The following DTD1 variants were observed in gnomAD, a reference collection of about 807,000 sequenced individuals.
DTD1 encodes D-tyrosyl-tRNA deacylase 1 homolog.
A neutral mutation model predicts 25.6 loss-of-function variants in DTD1; 13 were observed. The observed-to-expected ratio is 0.51, with a 90% CI of 0.33 to 0.81. The LOEUF is 0.81. DTD1 is among the 30% of genes least tolerant of loss of function. The pLI is 0.02. For missense variants in DTD1, 193 were observed against 266.4 expected, an observed-to-expected ratio of 0.72 and a Z score of 1.92; for synonymous variants, 110 against 103.6, an observed-to-expected ratio of 1.06 and a Z score of -0.37.
intron 4 of DTD1, among the ~76,000 whole-genome samples, chr20:18,734,586 G>C (rs1482329773): frequency 6.6e-6 from 1 of 152,198 alleles, no homozygotes; most frequent in Non-Finnish European, 1.5e-5. Flanking sequence ...GCACACTGAG[G>C]CATGGTGAAA....
At chr20:18,590,647 A>G (rs964790501) in intron 1 of DTD1, among the ~76,000 whole-genome samples, 3 of 151,788 alleles carry the variant, frequency 2.0e-5, no homozygotes, top group Non-Finnish European at 4.4e-5. Flanking sequence ...ATTTTTTTGT[A>G]TTTTTAGTGG....
At chr20:18,651,556 G>A (rs2060874157) in intron 4 of DTD1, among the ~76,000 whole-genome samples, 1 of 152,130 alleles carries the variant, frequency 6.6e-6, no homozygotes, top group African/African-American at 2.4e-5. Flanking sequence ...TTGTCTTAAC[G>A]CTCTCATGAC....
intron 4 of DTD1, among the ~76,000 whole-genome samples, chr20:18,696,792 G>T (rs971789459): frequency 6.6e-6 from 1 of 151,822 alleles, no homozygotes; most frequent in Non-Finnish European, 1.5e-5. Flanking sequence ...GACCTCAGGT[G>T]ATACGCCCAC....
At chr20:18,726,858 A>G (rs2061224192) in intron 4 of DTD1, among the ~76,000 whole-genome samples, 1 of 152,136 alleles carries the variant, frequency 6.6e-6, no homozygotes, top group Non-Finnish European at 1.5e-5. Flanking sequence ...TCTTCTTAAG[A>G]TGCTGCTTAC....
intron 3 of DTD1, among the ~76,000 whole-genome samples, chr20:18,599,362 A>G (rs1033500971): frequency 1.1e-4 from 16 of 151,838 alleles, no homozygotes; most frequent in African/African-American, 3.9e-4. Context: ...TGTAGTAGAG[A>G]TGGGGTTTTG....
At position 18,647,995 on chromosome 20, in the gene DTD1, T is replaced by C. The variant is rs1208340418; in HGVS notation, c.477+19762T>C. ...AGCAGGGCTTTGAAAAGATCTCTTCTGTTCCCTGAATCACTGTTGGCCCTG... is the reference window on the plus strand; with the variant it reads ...AGCAGGGCTTTGAAAAGATCTCTTCCGTTCCCTGAATCACTGTTGGCCCTG... On this transcript the variant is annotated intron_variant, in intron 4 of 5. Coordinates refer to ENST00000377452, the MANE Select transcript of DTD1 (RefSeq NM_080820.6). 3.3e-5 allele frequency among the ~76,000 whole-genome samples: 5 copies of C among 152,328 alleles called. No homozygotes were observed. The East Asian group carries it at 7.7e-4, about 24-fold the overall frequency.
intron 1 of DTD1, among the ~76,000 whole-genome samples, chr20:18,589,298 C>T (rs1010391630): frequency 4.6e-5 from 7 of 152,118 alleles, no homozygotes; most frequent in African/African-American, 1.7e-4. Flanking sequence ...TTGCAGTGAG[C>T]CGAGATTGTG....
At chr20:18,730,552 A>T (rs2061236439) in intron 4 of DTD1, among the ~76,000 whole-genome samples, 1 of 152,218 alleles carries the variant, frequency 6.6e-6, no homozygotes, top group African/African-American at 2.4e-5. Context: ...TTGCTAATGA[A>T]GTTGAGCTCT....
At chr20:18,637,132 C>T (rs542522666) in intron 4 of DTD1, among the ~76,000 whole-genome samples, 6 of 152,148 alleles carry the variant, frequency 3.9e-5, no homozygotes, top group Non-Finnish European at 7.3e-5. Context: ...ACCACCCTGC[C>T]CTCCCTTCCT....
Position 18,629,109 on chromosome 20 carries a change from G to GC in DTD1, c.477+878dup, listed in dbSNP as rs1303491058. Among the ~76,000 whole-genome samples the GC allele has an allele frequency of 3.4e-5, 5 of 147,492 alleles. No homozygotes were observed. The South Asian group carries it at 1.1e-3, about 32-fold the overall frequency. On this transcript the variant is annotated intron_variant, in intron 4 of 5. Coordinates refer to ENST00000377452, the MANE Select transcript of DTD1 (RefSeq NM_080820.6). ...CCTCCTGGGTTCAAGCAATTCTCCT[G>GC]CCTCAGCCTCTCGAATAGCTGGGAT...
intron 4 of DTD1, among the ~76,000 whole-genome samples, chr20:18,721,135 C>T (rs186590728): frequency 2.0e-4 from 31 of 152,264 alleles, no homozygotes; most frequent in Admixed American, 2.6e-4. Flanking sequence ...AGAAGTGGCG[C>T]GAACAGACTG....
intron 5 of DTD1, among the ~76,000 whole-genome samples, chr20:18,761,718 G>A (rs1401722395): frequency 6.6e-6 from 1 of 152,214 alleles, no homozygotes; most frequent in African/African-American, 2.4e-5. Context: ...TCTGTGCCAA[G>A]AAGATGGAGT....
chr20:18,697,412 C>T (rs2122451905), intron 4 of DTD1, among the ~76,000 whole-genome samples: 1 of 152,198 alleles, frequency 6.6e-6, no homozygotes, highest in African/African-American at 2.4e-5. Flanking sequence ...TTACCATTTT[C>T]AGTGAGGGTG....
Position 18,596,185 on chromosome 20 carries a change from T to C in DTD1, c.314T>C (p.Phe105Ser), listed in dbSNP as rs142292945. 42 of 1,613,996 alleles carry C rather than the reference T, an allele frequency of 2.6e-5. No individual in the cohort carries two copies. Among genetic ancestry groups the C allele is most frequent in the Non-Finnish European group, 9.3e-6 (11 of 1,180,014 alleles). The stretch of plus-strand genomic sequence containing the variant: ...ATGCCCACGGAGCAGGCAGAGGGCT[T>C]CTACAACAGCTTCCTGGAGCAGCTG... The part of the protein sequence containing the change: ...LAMPTEQAEG[F>S]YNSFLEQLRK... Residue 105 changes from phenylalanine to serine, a missense_variant, in exon 3 of 6, where the codon TTC becomes TCC. Phe to Ser is a radical substitution (Grantham distance 155, BLOSUM62 -2). Transcript: ENST00000377452.
intron 3 of DTD1, among the ~76,000 whole-genome samples, chr20:18,618,465 C>T (rs2060718366): frequency 1.3e-5 from 2 of 151,596 alleles, no homozygotes; most frequent in South Asian, 2.1e-4. Flanking sequence ...AGCAATCCTC[C>T]CACCTCAGCC....
intron 4 of DTD1, among the ~76,000 whole-genome samples, chr20:18,688,584 A>T (rs917626838): frequency 2.0e-5 from 3 of 152,020 alleles, no homozygotes; most frequent in African/African-American, 7.2e-5. Flanking sequence ...AGCGGACTAC[A>T]GCGTAACACT....
At chr20:18,757,007 T>C (rs1418504950) in intron 5 of DTD1, among the ~76,000 whole-genome samples, 7 of 150,338 alleles carry the variant, frequency 4.7e-5, no homozygotes, top group Non-Finnish European at 8.9e-5. Flanking sequence ...GTTGGATTCC[T>C]AGGTATTTTA....
At chr20:18,662,556 G>A (rs571294342) in intron 4 of DTD1, among the ~76,000 whole-genome samples, 32 of 152,230 alleles carry the variant, frequency 2.1e-4, no homozygotes, top group Non-Finnish European at 3.2e-4. Context: ...GAAGGGTATT[G>A]GTAGAAGGAT....
rs570619352 is a variant in DTD1 at position 18,598,804 on chromosome 20, C to T, written c.370+2563C>T. The stretch of plus-strand genomic sequence containing the variant: ...GATTACAGGTGTGAGCCACCGCGCC[C>T]GGCCAGTAATGGTAATTTTTAGTGC... On this transcript the variant is annotated intron_variant, in intron 3 of 5. Transcript: ENST00000377452. 6.6e-5 allele frequency among the ~76,000 whole-genome samples: 10 copies of T among 151,504 alleles called. No homozygotes were observed. In the South Asian group the frequency reaches 8.4e-4, roughly 13 times the overall value.
Sources: allele counts gnomAD v4.1 joint callset (sites outside exome capture counted in the v4.1 genomes callset), GRCh38; gene constraint gnomAD v4.1.1; transcripts MANE v1.5; gene names NCBI Gene and HGNC (gene_info 2026-07-23, HGNC 2026-07-21).